TSC22D2: variants seen among roughly 807,000 people sequenced by gnomAD.
TSC22D2 encodes TSC22 domain family member 2.
A neutral mutation model predicts 50.1 loss-of-function variants in TSC22D2; 5 were observed. The observed-to-expected ratio is 0.10, with a 90% confidence interval of 0.05 to 0.21. The LOEUF (loss-of-function observed/expected upper bound fraction) is 0.21. Ranked by LOEUF, TSC22D2 falls within the 10% of genes least tolerant of loss-of-function variation. TSC22D2 has a pLI of 1.00. For synonymous variants in TSC22D2, 501 were observed against 450.1 expected (o/e 1.11, Z -1.43); for missense variants, 1,003 against 1,015.5 (o/e 0.99, Z 0.17).
At chr3:150,421,334 A>G (rs931037195) in intron 1 of TSC22D2, among the ~76,000 whole-genome samples, 1 of 152,216 alleles carries the variant, frequency 6.6e-6, no homozygotes. Flanking sequence ...TATAAAACAA[A>G]AACAACAACC....
Position 150,465,330 on chromosome 3 carries a change from T to A in TSC22D2, c.*6694T>A, listed in dbSNP as rs990519811. On this transcript the variant is annotated 3_prime_UTR_variant, in exon 3 of 3. Transcript: ENST00000688009. ...ATAGGTTATAAAGAGAAGCTCAATC[T>A]CAGCAAAATAAGGGAAGTGCACATT... 2.6e-5 allele frequency: 4 copies of A among 152,114 alleles called. No individual in the cohort carries two copies. The highest frequency in any genetic ancestry group is 5.9e-5 in the Non-Finnish European group (4 of 68,012). The allele number at this position is 152,114 out of a possible 1,614,324, so 9.4% of individuals were successfully genotyped here.
At chr3:150,429,920 A>G (rs1720326990) in intron 1 of TSC22D2, among the ~76,000 whole-genome samples, 1 of 152,210 alleles carries the variant, frequency 6.6e-6, no homozygotes, top group African/African-American at 2.4e-5. Context: ...AGAGTAACTC[A>G]GAATGAAGCT....
intron 1 of TSC22D2, among the ~76,000 whole-genome samples, chr3:150,421,600 A>T (rs1188851197): frequency 6.6e-6 from 1 of 152,226 alleles, no homozygotes; most frequent in African/African-American, 2.4e-5. Context: ...GAGTTGAAGT[A>T]GGGCAAGCAA....
At chr3:150,414,079 G>C (rs931242949) in intron 1 of TSC22D2, among the ~76,000 whole-genome samples, 1 of 152,096 alleles carries the variant, frequency 6.6e-6, no homozygotes. Flanking sequence ...AAAGAACCGG[G>C]CCTTATAGTA....
Position 150,442,779 on chromosome 3 carries a change from C to T in TSC22D2, c.1959-14297C>T, listed in dbSNP as rs1057270576. ...AGGAGTTTAGGAGCAGCTTGAGTAA[C>T]CCTGTCTCTACCTGCAAAAAAGAAA... On this transcript the variant is annotated intron_variant, in intron 1 of 2. Transcript: ENST00000688009. Among the ~76,000 whole-genome samples the T allele has an allele frequency of 3.9e-5, 6 of 152,176 alleles. No individual in the cohort carries two copies. The East Asian group carries it at 1.2e-3, about 29-fold the overall frequency.
chr3:150,456,703 G>T (rs887287406), intron 1 of TSC22D2, among the ~76,000 whole-genome samples: 1 of 152,080 alleles, frequency 6.6e-6, no homozygotes, highest in African/African-American at 2.4e-5. Flanking sequence ...AAGGCAATTA[G>T]AATGTATAGT....
intron 1 of TSC22D2, among the ~76,000 whole-genome samples, chr3:150,424,665 C>A (rs1560083226): frequency 6.6e-6 from 1 of 152,076 alleles, no homozygotes; most frequent in Non-Finnish European, 1.5e-5. Context: ...AGAAATGAGG[C>A]AAGTTGCGTA....
intron 1 of TSC22D2, among the ~76,000 whole-genome samples, chr3:150,447,117 G>A (rs1037276358): frequency 2.6e-5 from 4 of 152,142 alleles, no homozygotes; most frequent in African/African-American, 9.7e-5. Context: ...AGGCCTCACT[G>A]TAGAAATGGG....
At chr3:150,448,973 C>T (rs1041296026) in intron 1 of TSC22D2, among the ~76,000 whole-genome samples, 5 of 151,744 alleles carry the variant, frequency 3.3e-5, no homozygotes, top group African/African-American at 1.2e-4. Context: ...ATCTTTACCA[C>T]AAATTTTTAC....
chr3:150,455,129 C>T (rs1195509304), intron 1 of TSC22D2, among the ~76,000 whole-genome samples: 1 of 152,118 alleles, frequency 6.6e-6, no homozygotes, highest in African/African-American at 2.4e-5. Flanking sequence ...CTTTCCTTGT[C>T]ATGTCAATAA....
At chr3:150,429,031 CCTTTA>C (rs1206191601) in intron 1 of TSC22D2, among the ~76,000 whole-genome samples, 2 of 152,102 alleles carry the variant, frequency 1.3e-5, no homozygotes, top group Admixed American at 1.3e-4. Context: ...GAATTGAACT[CCTTTA>C]CTTCTGTTTC....
intron 1 of TSC22D2, among the ~76,000 whole-genome samples, chr3:150,455,907 T>TA (rs1310986433): frequency 1.3e-5 from 2 of 152,156 alleles, no homozygotes; most frequent in African/African-American, 4.8e-5. Context: ...TAAAATTCAT[T>TA]AAAAAACAAT....
At chr3:150,438,445 G>T (rs1354640966) in intron 1 of TSC22D2, 1 of 176,544 alleles carries the variant, frequency 5.7e-6, no homozygotes, top group Admixed American at 5.9e-5. Flanking sequence ...CATTGTGTAA[G>T]AGTATAGTAT....
At chr3:150,449,389 C>T (rs1720974689) in intron 1 of TSC22D2, among the ~76,000 whole-genome samples, 1 of 152,150 alleles carries the variant, frequency 6.6e-6, no homozygotes, top group African/African-American at 2.4e-5. Context: ...TGTCCTGCAT[C>T]TGCCTGCCTT....
rs765518874 is a variant in TSC22D2 at position 150,409,737 on chromosome 3, C to T, written c.387C>T (p.Pro129=). Residue 129 remains proline, a synonymous_variant, in exon 1 of 3, where the codon CCC becomes CCT. Coordinates refer to ENST00000688009, the MANE Select transcript of TSC22D2 (RefSeq NM_001303264.2). The surrounding 1 kb of genome is among the most constrained non-coding windows in gnomAD (Gnocchi z 7.4). ...TGGCGGCGGCTGCCACTTCGGCCCC[C>T]GCCCCCGGAGCACCCGGCGGCCCCC... The part of the protein sequence containing the change: ...STLAAAATSA[P]APGAPGGPQL... 6.2e-7 allele frequency: 1 copy of T among 1,601,098 alleles called. No individual in the cohort carries two copies. Among genetic ancestry groups the T allele is most frequent in the Admixed American group, 1.7e-5 (1 of 59,806 alleles).
chr3:150,441,439 A>G (rs1049912966), intron 1 of TSC22D2, among the ~76,000 whole-genome samples: 1 of 152,114 alleles, frequency 6.6e-6, no homozygotes, highest in African/African-American at 2.4e-5. Flanking sequence ...ACCATTTGGC[A>G]GGCTTTCCCT....
At chr3:150,437,772 C>G (rs1243296128) in intron 1 of TSC22D2, among the ~76,000 whole-genome samples, 1 of 152,082 alleles carries the variant, frequency 6.6e-6, no homozygotes, top group Non-Finnish European at 1.5e-5. Flanking sequence ...CGCACCACTG[C>G]ACTCCAGCCT....
intron 1 of TSC22D2, among the ~76,000 whole-genome samples, chr3:150,413,756 G>A (rs2108060400): frequency 6.6e-6 from 1 of 151,996 alleles, no homozygotes; most frequent in Admixed American, 6.5e-5. Flanking sequence ...CTTAAAATCT[G>A]CATGTTTTCA....
In TSC22D2 at chr3:150,464,227, T is replaced by A. The variant is rs1344992346; in HGVS notation, c.*5591T>A. The A allele has an allele frequency of 6.6e-6, 1 of 152,072 alleles. No individual in the cohort carries two copies. Among genetic ancestry groups the A allele is most frequent in the Admixed American group, 6.6e-5 (1 of 15,262 alleles). 9.4% of individuals were successfully genotyped at this position (152,072 alleles called of 1,614,324 possible). A position where few individuals can be genotyped will look rare whatever the true frequency, so the allele number is the denominator to read the frequency against. ...GTTATCCGGATCACAGTTCTTGCTG[T>A]CATTTCACAGGCATGCAATGTATCT... On this transcript the variant is annotated 3_prime_UTR_variant, in exon 3 of 3. Coordinates refer to ENST00000688009, the MANE Select transcript of TSC22D2 (RefSeq NM_001303264.2).
Sources: allele counts gnomAD v4.1 joint callset (sites outside exome capture counted in the v4.1 genomes callset), GRCh38; gene constraint gnomAD v4.1.1; non-coding constraint Gnocchi (gnomAD v3.1); transcripts MANE v1.5; gene names NCBI Gene and HGNC (gene_info 2026-07-23, HGNC 2026-07-21).